The following GRID2 variants were observed in gnomAD, a reference collection of about 807,000 sequenced individuals.
GRID2 encodes glutamate receptor ionotropic, delta-2.
Under a neutral mutation model 114.8 loss-of-function variants are expected in GRID2, and 33 were observed. The observed-to-expected ratio is 0.29, with a 90% confidence interval of 0.22 to 0.38. GRID2 has a LOEUF of 0.38. Among genes scored for constraint, GRID2 ranks in the 10% least tolerant of loss-of-function variants. The pLI is 1.00. For synonymous variants in GRID2, 505 were observed against 449.9 expected, an observed-to-expected ratio of 1.12 and a Z score of -1.55; for missense variants, 1,184 against 1,257.7, an observed-to-expected ratio of 0.94 and a Z score of 0.89.
At chr4:92,533,182 G>GTTTTTTTTTTT (rs1331638804) in intron 1 of GRID2, among the ~76,000 whole-genome samples, 1 of 145,178 alleles carries the variant, frequency 6.9e-6, no homozygotes, top group African/African-American at 2.5e-5. Flanking sequence ...CAACTTTGGT[G>GTTTTTTTTTTT]TGTTTTTTTG....
In GRID2 at chr4:93,293,131, C is replaced by T. The variant is rs180880127; in HGVS notation, c.1245+54641C>T. On this transcript the variant is annotated intron_variant, in intron 8 of 15. Coordinates refer to ENST00000282020, the MANE Select transcript of GRID2 (RefSeq NM_001510.4). ...CTTAACCACCCATCCTCCCCAGGTG[C>T]ACGGCATGTTCTTTTAATACAGTTA... Among the ~76,000 whole-genome samples, 184 of 152,248 alleles carry T rather than the reference C, an allele frequency of 1.2e-3. 3 individuals carry two copies. The highest frequency in any genetic ancestry group is 4.4e-3 in the African/African-American group (182 of 41,558).
chr4:92,335,533 T>G (rs925358507), intron 1 of GRID2, among the ~76,000 whole-genome samples: 1 of 152,202 alleles, frequency 6.6e-6, no homozygotes, highest in Non-Finnish European at 1.5e-5. Context: ...TCAATTATGA[T>G]TTTCAGTATT....
rs906087886 is a variant in GRID2 at position 93,055,577 on chromosome 4, A to T, written c.245-29418A>T. 5.9e-4 allele frequency among the ~76,000 whole-genome samples: 89 copies of T among 152,072 alleles called. 1 individual carries two copies. The highest frequency in any genetic ancestry group is 2.0e-3 in the African/African-American group (84 of 41,534). On this transcript the variant is annotated intron_variant, in intron 2 of 15. Coordinates refer to ENST00000282020, the MANE Select transcript of GRID2 (RefSeq NM_001510.4). ...AAAATGATAATAAATTGGATAGCCT[A>T]CCAAATCAAAACTTAGTATTTCTTG...
chr4:92,856,557 A>G (rs1014206591), intron 2 of GRID2, among the ~76,000 whole-genome samples: 2 of 152,146 alleles, frequency 1.3e-5, no homozygotes, highest in African/African-American at 4.8e-5. Context: ...ATCATTATTG[A>G]TAATCAGTTG....
At chr4:93,187,085 C>T (rs1206954469) in intron 4 of GRID2, among the ~76,000 whole-genome samples, 1 of 152,124 alleles carries the variant, frequency 6.6e-6, no homozygotes, top group Admixed American at 6.6e-5. Context: ...TTCACAAGGG[C>T]TCTGTTCTCA....
At chr4:93,795,917 T>G (rs1167751482) in intron 1 of GRID2, among the ~76,000 whole-genome samples, 3 of 152,200 alleles carry the variant, frequency 2.0e-5, no homozygotes. Flanking sequence ...TCTTCTCTAC[T>G]CAGCAACCCA....
intron 13 of GRID2, among the ~76,000 whole-genome samples, chr4:93,621,381 C>A (rs1042523617): frequency 6.6e-6 from 1 of 152,086 alleles, no homozygotes; most frequent in Non-Finnish European, 1.5e-5. Context: ...TATTTTTCTT[C>A]CTCATAATGA....
At chr4:93,230,747 C>T (rs886553383) in intron 7 of GRID2, among the ~76,000 whole-genome samples, 1 of 151,910 alleles carries the variant, frequency 6.6e-6, no homozygotes, top group African/African-American at 2.4e-5. Context: ...TTATTCACTC[C>T]TGTCAAAGTC....
At chr4:92,668,395 T>C (rs1259171413) in intron 2 of GRID2, among the ~76,000 whole-genome samples, 1 of 151,796 alleles carries the variant, frequency 6.6e-6, no homozygotes, top group East Asian at 1.9e-4. Context: ...TACACTGTGA[T>C]TGGATTTTTT....
At chr4:92,442,626 T>C (rs535115905) in intron 1 of GRID2, among the ~76,000 whole-genome samples, 130 of 152,132 alleles carry the variant, frequency 8.5e-4, no homozygotes, top group African/African-American at 3.0e-3. Context: ...AATTTAATTG[T>C]TGGAGTTTTA....
At chr4:92,756,937 CAGA>C (rs1737746983) in intron 2 of GRID2, among the ~76,000 whole-genome samples, 3 of 152,086 alleles carry the variant, frequency 2.0e-5, no homozygotes, top group Middle Eastern at 3.4e-3. Flanking sequence ...CCTTGCTGTG[CAGA>C]AGGTTTTTGG....
rs1025407119 is a variant in GRID2 at position 92,679,550 on chromosome 4, CTATT to C, written c.244+89270_244+89273del. Among the ~76,000 whole-genome samples the C allele has an allele frequency of 9.2e-5, 14 of 152,112 alleles. No individual in the cohort carries two copies. The South Asian group carries it at 1.9e-3, about 20-fold the overall frequency. On this transcript the variant is annotated intron_variant, in intron 2 of 15. Coordinates refer to ENST00000282020, the MANE Select transcript of GRID2 (RefSeq NM_001510.4). ...ATTCAACCTATTTTTAACACCTCAA[CTATT>C]TATTTTTAATACCTGATTTCTTGAA...
At chr4:93,750,211 G>A (rs1732202507) in intron 14 of GRID2, among the ~76,000 whole-genome samples, 1 of 152,224 alleles carries the variant, frequency 6.6e-6, no homozygotes. Context: ...TTACTTTAGT[G>A]TTGGAACAAA....
intron 2 of GRID2, among the ~76,000 whole-genome samples, chr4:92,701,763 T>C (rs1052010988): frequency 2.0e-5 from 3 of 152,178 alleles, no homozygotes; most frequent in African/African-American, 7.2e-5. Context: ...TTTTGGCATA[T>C]GATTTCTGAC....
intron 1 of GRID2, among the ~76,000 whole-genome samples, chr4:92,480,428 T>C (rs1288914606): frequency 6.6e-6 from 1 of 152,156 alleles, no homozygotes; most frequent in Non-Finnish European, 1.5e-5. Flanking sequence ...ATGGGTGAGC[T>C]TATCATCAAG....
At chr4:93,428,125 GC>G (rs1160168935) in intron 10 of GRID2, among the ~76,000 whole-genome samples, 1 of 152,050 alleles carries the variant, frequency 6.6e-6, no homozygotes, top group Non-Finnish European at 1.5e-5. Flanking sequence ...CAAGTCAGAA[GC>G]TTTTAAAGTG....
chr4:92,753,459 T>A (rs1737552939), intron 2 of GRID2, among the ~76,000 whole-genome samples: 1 of 152,170 alleles, frequency 6.6e-6, no homozygotes. Context: ...GCATAAGCAA[T>A]GTGATCTTAC....
intron 1 of GRID2, among the ~76,000 whole-genome samples, chr4:92,337,496 A>C (rs1262405285): frequency 6.6e-6 from 1 of 152,154 alleles, no homozygotes; most frequent in African/African-American, 2.4e-5. Flanking sequence ...AGCTAAGTGT[A>C]TTAGTCTGTT....
At chr4:92,861,732 A>G (rs2149435685) in intron 2 of GRID2, among the ~76,000 whole-genome samples, 1 of 152,184 alleles carries the variant, frequency 6.6e-6, no homozygotes, top group Non-Finnish European at 1.5e-5. Context: ...AAATGAAAGC[A>G]AATTCTTATT....
Sources: allele counts gnomAD v4.1 joint callset (sites outside exome capture counted in the v4.1 genomes callset), GRCh38; gene constraint gnomAD v4.1.1; transcripts MANE v1.5; gene names NCBI Gene and HGNC (gene_info 2026-07-23, HGNC 2026-07-21).